Variants in ZDHHC2 observed in about 807,000 individuals in gnomAD.
ZDHHC2 encodes palmitoyltransferase ZDHHC2.
A neutral mutation model predicts 55.6 loss-of-function variants in ZDHHC2; 51 were observed. The observed-to-expected ratio is 0.92, with a 90% CI of 0.73 to 1.16. The LOEUF is 1.16. Among genes scored for constraint, ZDHHC2 ranks in the 50% most tolerant of loss-of-function variants. ZDHHC2 has a pLI of 0.00. For missense variants in ZDHHC2, 491 were observed against 442.4 expected (o/e 1.11, Z -0.99); for synonymous variants, 199 against 152.9 (o/e 1.30, Z -2.22).
Position 17,220,693 on chromosome 8 carries a change from A to C in ZDHHC2, c.*472A>C, listed in dbSNP as rs937133547. ...AACTTGTTACCTTTAAGAAGGTGGAAGTGGCAAACCATACTTCTTTTTTTT... is the reference window on the plus strand; with the variant it reads ...AACTTGTTACCTTTAAGAAGGTGGACGTGGCAAACCATACTTCTTTTTTTT... On this transcript the variant is annotated 3_prime_UTR_variant, in exon 13 of 13. Coordinates refer to ENST00000262096, the MANE Select transcript of ZDHHC2 (RefSeq NM_016353.5). The C allele has an allele frequency of 1.3e-5, 2 of 152,224 alleles. No individual in the cohort carries two copies. Among genetic ancestry groups the C allele is most frequent in the African/African-American group, 4.8e-5 (2 of 41,464 alleles). The allele number at this position is 152,224 out of a possible 1,614,324, so 9.4% of individuals were successfully genotyped here. A position where few individuals can be genotyped will look rare whatever the true frequency, so the allele number is the denominator to read the frequency against.
At chr8:17,194,591 T>C (rs1424169981) in intron 3 of ZDHHC2, among the ~76,000 whole-genome samples, 2 of 152,058 alleles carry the variant, frequency 1.3e-5, no homozygotes, top group Non-Finnish European at 2.9e-5. Flanking sequence ...CAACAGTGTA[T>C]ATGTTGTTTA....
intron 3 of ZDHHC2, among the ~76,000 whole-genome samples, chr8:17,194,169 G>A (rs545681189): frequency 1.4e-4 from 21 of 152,160 alleles, no homozygotes; most frequent in Non-Finnish European, 1.6e-4. Flanking sequence ...GTCTATCATT[G>A]ATGGGCATTT....
intron 7 of ZDHHC2, 135 bp from the exon 8 acceptor site, chr8:17,207,825 C>A: frequency 3.0e-6 from 2 of 666,952 alleles, no homozygotes; most frequent in Non-Finnish European, 4.2e-6. Flanking sequence ...AAAGTTTTAA[C>A]ATAAAGCCAC....
At chr8:17,163,518 T>C (rs1217895432) in intron 1 of ZDHHC2, among the ~76,000 whole-genome samples, 1 of 152,220 alleles carries the variant, frequency 6.6e-6, no homozygotes, top group Non-Finnish European at 1.5e-5. Context: ...TGTTTTTATG[T>C]TTTATCTTGA....
chr8:17,199,541 T>C (rs1444272940), intron 6 of ZDHHC2, among the ~76,000 whole-genome samples: 2 of 38,928 alleles, frequency 5.1e-5, no homozygotes, highest in African/African-American at 1.9e-4. Context: ...TCTGTCTTCG[T>C]CTTCTGTCTT....
intron 3 of ZDHHC2, among the ~76,000 whole-genome samples, chr8:17,190,231 G>C (rs1203773017): frequency 6.6e-6 from 1 of 151,724 alleles, no homozygotes; most frequent in Non-Finnish European, 1.5e-5. Context: ...ACTCCAGCCT[G>C]GGCGACAGAT....
intron 1 of ZDHHC2, among the ~76,000 whole-genome samples, chr8:17,160,241 A>G (rs538720997): frequency 6.6e-6 from 1 of 152,350 alleles, no homozygotes; most frequent in Non-Finnish European, 1.5e-5. Flanking sequence ...GAAAAGTTTC[A>G]ATAGTACAAG....
chr8:17,224,104 C>CTA lies in ZDHHC2; in HGVS notation c.*3884_*3885dup. 6.6e-6 allele frequency: 1 copy of CTA among 151,674 alleles called. No homozygotes were observed. Among genetic ancestry groups the CTA allele is most frequent in the South Asian group, 2.1e-4 (1 of 4,824 alleles). The allele number at this position is 151,674 out of a possible 1,614,324, so 9.4% of individuals were successfully genotyped here. Reference sequence around the variant, plus strand: ...AACTATGATGATGCAGTCCAGGTATCTAATAGCTCAATCACCAACACCGCT... The same window carrying CTA: ...AACTATGATGATGCAGTCCAGGTATCTATAATAGCTCAATCACCAACACCGCT... On this transcript the variant is annotated 3_prime_UTR_variant, in exon 13 of 13. Coordinates refer to ENST00000262096, the MANE Select transcript of ZDHHC2 (RefSeq NM_016353.5).
At chr8:17,210,352 G>A in intron 9 of ZDHHC2, 36 bp from the exon 10 acceptor site, 2 of 1,589,788 alleles carry the variant, frequency 1.3e-6, no homozygotes, top group Non-Finnish European at 1.7e-6. Flanking sequence ...GTTGTCTTTT[G>A]TATGGTTCAG....
At chr8:17,199,533 T>TCTTC (rs773429262) in intron 6 of ZDHHC2, among the ~76,000 whole-genome samples, 7,994 of 30,100 alleles carry the variant, frequency 0.27, 673 homozygotes, top group Non-Finnish European at 0.37. Flanking sequence ...CTTCGTCTTC[T>TCTTC]GTCTTCGTCT....
intron 10 of ZDHHC2, among the ~76,000 whole-genome samples, chr8:17,212,194 C>T (rs923736290): frequency 6.6e-6 from 1 of 151,990 alleles, no homozygotes; most frequent in Non-Finnish European, 1.5e-5. Context: ...TACTATCTCC[C>T]ATGTTGAGCC....
At chr8:17,156,909 C>A in intron 1 of ZDHHC2, 56 bp downstream of exon 1, 3 of 1,430,222 alleles carry the variant, frequency 2.1e-6, no homozygotes, top group Non-Finnish European at 2.8e-6. Context: ...CCCCGACTGT[C>A]CCGGGACGCT....
intron 10 of ZDHHC2, 42 bp downstream of exon 10, chr8:17,210,522 T>G (rs533705552): frequency 1.3e-6 from 2 of 1,511,068 alleles, no homozygotes; most frequent in Admixed American, 1.9e-5. Flanking sequence ...AAATAAGATA[T>G]TTTACCATAT....
chr8:17,177,333 A>C (rs541182651), intron 1 of ZDHHC2, among the ~76,000 whole-genome samples: 1 of 152,256 alleles, frequency 6.6e-6, no homozygotes, highest in African/African-American at 2.4e-5. Context: ...ATGATTGTTA[A>C]ATTTTCCTGT....
chr8:17,203,178 G>C (rs970820371), intron 6 of ZDHHC2, among the ~76,000 whole-genome samples: 2 of 149,400 alleles, frequency 1.3e-5, no homozygotes, highest in African/African-American at 4.9e-5. Flanking sequence ...TTCTACCACA[G>C]CCTCCCGAGT....
intron 1 of ZDHHC2, among the ~76,000 whole-genome samples, chr8:17,177,752 TTGTGTGTGTG>T (rs10570051): frequency 5.4e-5 from 8 of 148,716 alleles, no homozygotes; most frequent in Non-Finnish European, 7.5e-5. Flanking sequence ...TTTGGGGTGT[TTGTGTGTGTG>T]TGTGTGTGTG....
At chr8:17,207,887 C>G (rs1585731562) in intron 7 of ZDHHC2, 73 bp from the exon 8 acceptor site, 1 of 1,169,112 alleles carries the variant, frequency 8.6e-7, no homozygotes, top group African/African-American at 1.6e-5. Context: ...AAAAATCTTA[C>G]TAATTTACTT....
chr8:17,210,363 T>C (rs2904680), intron 9 of ZDHHC2, 25 bp from the exon 10 acceptor site: 9 of 1,601,212 alleles, frequency 5.6e-6, no homozygotes, highest in Non-Finnish European at 7.7e-6. Flanking sequence ...TATGGTTCAG[T>C]TCTAAATTTT....
chr8:17,163,284 G>A (rs1383391284), intron 1 of ZDHHC2, among the ~76,000 whole-genome samples: 1 of 152,156 alleles, frequency 6.6e-6, no homozygotes, highest in Non-Finnish European at 1.5e-5. Context: ...GGTAACAGCG[G>A]GTCCAGTGTT....
Sources: allele counts gnomAD v4.1 joint callset (sites outside exome capture counted in the v4.1 genomes callset), GRCh38; gene constraint gnomAD v4.1.1; transcripts MANE v1.5; gene names NCBI Gene and HGNC (gene_info 2026-07-23, HGNC 2026-07-21).